The following DCUN1D2 variants were observed in gnomAD, a reference collection of about 807,000 sequenced individuals.
DCUN1D2 encodes defective in cullin neddylation 1 domain containing 2.
A neutral mutation model predicts 30.9 loss-of-function variants in DCUN1D2; 29 were observed. That is an observed-to-expected ratio of 0.94 (90% CI 0.70 to 1.28). The LOEUF (loss-of-function observed/expected upper bound fraction) is 1.28. Ranked by LOEUF, DCUN1D2 falls within the 50% of genes most tolerant of loss-of-function variation. The pLI is 0.00. For missense variants in DCUN1D2, 325 were observed against 316.9 expected, an observed-to-expected ratio of 1.03 and a Z score of -0.19; for synonymous variants, 121 against 115.3, an observed-to-expected ratio of 1.05 and a Z score of -0.32.
chr13:113,485,077 C>CAATAAATAAATAAATAAATAAATA (rs58781524), intron 1 of DCUN1D2, among the ~76,000 whole-genome samples: 1 of 148,582 alleles, frequency 6.7e-6, no homozygotes, highest in African/African-American at 2.5e-5. Flanking sequence ...GACTCTATCT[C>CAATAAATAAATAAATAAATAAATA]AATAAATAAA....
chr13:113,470,311 G>A (rs906515081), intron 4 of DCUN1D2, among the ~76,000 whole-genome samples: 7 of 152,166 alleles, frequency 4.6e-5, no homozygotes, highest in Non-Finnish European at 8.8e-5. Flanking sequence ...GCAAACATGC[G>A]CCCTGTGATG....
At chr13:113,489,763 CTTTTTCTCTGGCTAATTTCCAGAGAA>C (rs1283131514) in intron 1 of DCUN1D2, among the ~76,000 whole-genome samples, 2 of 152,130 alleles carry the variant, frequency 1.3e-5, no homozygotes, top group Non-Finnish European at 2.9e-5. Context: ...CGGAACCTCA[CTTTTTCTCTGGCTAATTTCCAGAGAA>C]ATTCTCCACA....
chr13:113,489,233 G>T, intron 1 of DCUN1D2: 1 of 752,984 alleles, frequency 1.3e-6, no homozygotes, highest in Non-Finnish European at 1.6e-6. Flanking sequence ...CGGCAGCAGT[G>T]GAACGCTCCT....
rs1216188299 is a variant in DCUN1D2 at position 113,480,683 on chromosome 13, C to A, written c.281G>T (p.Ser94Ile). 6.2e-7 allele frequency: 1 copy of A among 1,614,116 alleles called. No individual in the cohort carries two copies. The highest frequency in any genetic ancestry group is 8.5e-7 in the Non-Finnish European group (1 of 1,179,992). The change falls in exon 3 of 7, where the codon AGC becomes ATC. Residue 94 changes from serine (S) to isoleucine (I), a missense_variant. Transcript: ENST00000478244. ...TACACTGATACTGGCAGGATCCAGG[C>A]TCAGATCATCACAAAACTGTTGAAT... ...DGIQQFCDDL[S>I]LDPASISVLV...
chr13:113,474,358 G>A (rs1200195505), intron 3 of DCUN1D2, 104 bp from the exon 4 acceptor site: 2 of 1,473,420 alleles, frequency 1.4e-6, no homozygotes, highest in East Asian at 2.3e-5. Context: ...GCTCCAGCTG[G>A]AGACCGTATT....
intron 4 of DCUN1D2, among the ~76,000 whole-genome samples, chr13:113,473,429 G>A (rs976133028): frequency 3.3e-5 from 5 of 152,174 alleles, no homozygotes; most frequent in Non-Finnish European, 7.3e-5. Flanking sequence ...ATGCAAATGG[G>A]CCACATTAAT....
intron 1 of DCUN1D2, among the ~76,000 whole-genome samples, chr13:113,489,775 C>T (rs2044895673): frequency 6.6e-6 from 1 of 152,128 alleles, no homozygotes; most frequent in South Asian, 2.1e-4. Context: ...TTTTCTCTGG[C>T]TAATTTCCAG....
intron 4 of DCUN1D2, among the ~76,000 whole-genome samples, chr13:113,470,597 AGACCCAACTCCACAAGG>A (rs1464110877): frequency 5.5e-4 from 79 of 144,128 alleles, no homozygotes; most frequent in East Asian, 3.9e-3. Flanking sequence ...CAACTCCAGA[AGACCCAACTCCACAAGG>A]GACCCAACTC....
At chr13:113,466,889 C>G (rs1166933004) in intron 4 of DCUN1D2, among the ~76,000 whole-genome samples, 1 of 150,280 alleles carries the variant, frequency 6.7e-6, no homozygotes, top group African/African-American at 2.5e-5. Flanking sequence ...TCACTGCAAG[C>G]TCCACCTCCT....
intron 1 of DCUN1D2, among the ~76,000 whole-genome samples, chr13:113,485,830 C>G (rs12430794): frequency 6.6e-6 from 1 of 152,098 alleles, no homozygotes; most frequent in Admixed American, 6.5e-5. Flanking sequence ...CCCGAGCGTC[C>G]TAAGCCGCCA....
At position 113,474,202 on chromosome 13, in the gene DCUN1D2, G is replaced by C; in HGVS notation, c.442C>G (p.Leu148Val). 2 of 1,614,130 alleles carry C rather than the reference G, an allele frequency of 1.2e-6. No individual in the cohort carries two copies. The highest frequency in any genetic ancestry group is 1.7e-6 in the Non-Finnish European group (2 of 1,180,012). The change falls in exon 4 of 7, where the codon CTG (leucine) becomes GTG (valine). Residue 148 changes from leucine (L) to valine (V), a missense_variant. Coordinates refer to ENST00000478244, the MANE Select transcript of DCUN1D2 (RefSeq NM_001014283.2). ...KALLPRLEQE[L>V]KDTAKFKDFY... The stretch of plus-strand genomic sequence containing the variant: ...TCTTTAAACTTGGCTGTGTCCTTCA[G>C]CTCCTGCTCCAGTCTTGGCAGAAGA...
intron 1 of DCUN1D2, among the ~76,000 whole-genome samples, chr13:113,485,775 G>A (rs978411237): frequency 6.6e-6 from 1 of 152,028 alleles, no homozygotes; most frequent in Non-Finnish European, 1.5e-5. Flanking sequence ...GTGCATCTGG[G>A]ATCCTGGGTC....
At chr13:113,474,074 G>A (rs1322218225) in intron 4 of DCUN1D2, 50 bp downstream of exon 4, 2 of 1,588,266 alleles carry the variant, frequency 1.3e-6, no homozygotes, top group Admixed American at 1.7e-5. Context: ...CACGTCCACT[G>A]AAAACCTCAT....
chr13:113,470,157 T>A (rs1366752877), intron 4 of DCUN1D2, among the ~76,000 whole-genome samples: 1 of 152,236 alleles, frequency 6.6e-6, no homozygotes, highest in Non-Finnish European at 1.5e-5. Flanking sequence ...TATGCTTCAG[T>A]GTGTTTGGAT....
chr13:113,473,995 A>G (rs1051181840), intron 4 of DCUN1D2, 129 bp downstream of exon 4: 41 of 1,135,984 alleles, frequency 3.6e-5, no homozygotes, highest in Admixed American at 1.9e-4. Flanking sequence ...ACAGAGCAAG[A>G]CCGTATCTCC....
intron 4 of DCUN1D2, among the ~76,000 whole-genome samples, chr13:113,473,802 C>T (rs1297640194): frequency 1.3e-5 from 2 of 152,308 alleles, no homozygotes; most frequent in Non-Finnish European, 2.9e-5. Flanking sequence ...TCGAGACCAG[C>T]ATAGGCAACA....
intron 4 of DCUN1D2, among the ~76,000 whole-genome samples, chr13:113,467,343 G>T (rs2044423087): frequency 6.6e-6 from 1 of 152,138 alleles, no homozygotes; most frequent in African/African-American, 2.4e-5. Flanking sequence ...GCATGTAATT[G>T]CTATAATGTG....
At position 113,456,265 on chromosome 13, in the gene DCUN1D2, G is replaced by A. The variant is rs1440055359; in HGVS notation, c.*1764C>T. ...ATCACTGGACCAGCCAGAAGCCAGCGGGGGCCAGGCGGGGTCTGCAGGCTG... is the reference window on the plus strand; with the variant it reads ...ATCACTGGACCAGCCAGAAGCCAGCAGGGGCCAGGCGGGGTCTGCAGGCTG... On this transcript the variant is annotated 3_prime_UTR_variant, in exon 7 of 7. Transcript: ENST00000478244. The A allele has an allele frequency of 7.5e-6, 3 of 398,640 alleles. No homozygotes were observed. Among genetic ancestry groups the A allele is most frequent in the African/African-American group, 2.1e-5 (1 of 48,624 alleles). The allele number at this position is 398,640 out of a possible 1,614,324, so 24.7% of individuals were successfully genotyped here.
chr13:113,456,146 G>A lies in DCUN1D2; in HGVS notation c.*1883C>T, dbSNP rs2044222638. 3 of 398,486 alleles carry A rather than the reference G, an allele frequency of 7.5e-6. No individual in the cohort carries two copies. In the South Asian group the frequency reaches 3.8e-4, roughly 51 times the overall value. The allele number at this position is 398,486 out of a possible 1,614,324, so 24.7% of individuals were successfully genotyped here. A position where few individuals can be genotyped will look rare whatever the true frequency, so the allele number is the denominator to read the frequency against. On this transcript the variant is annotated 3_prime_UTR_variant, in exon 7 of 7. Transcript: ENST00000478244. ...CCAGTTTTTATTGTATTAGACAAATGCTCTCTGAGAATCGAAGACTTCTAA... is the reference window on the plus strand; with the variant it reads ...CCAGTTTTTATTGTATTAGACAAATACTCTCTGAGAATCGAAGACTTCTAA...
Sources: gnomAD v4.1 joint callset for allele counts (sites outside exome capture counted in the v4.1 genomes callset) on GRCh38, gnomAD v4.1.1 for gene constraint, MANE v1.5 for transcripts, NCBI Gene and HGNC (gene_info 2026-07-23, HGNC 2026-07-21) for gene names.